The following VDR variants were observed in gnomAD, a reference collection of about 807,000 sequenced individuals.
VDR encodes the protein vitamin D receptor, also known as vitamin D3 receptor.
Under a neutral mutation model 39.7 loss-of-function variants are expected in VDR, and 19 were observed. The ratio of observed to expected loss-of-function variants is 0.48; its 90% CI spans 0.33 to 0.70. VDR has a LOEUF of 0.70. Ranked by LOEUF, VDR falls within the 30% of genes least tolerant of loss-of-function variation. VDR has a pLI of 0.02. For synonymous variants in VDR, 242 were observed against 215.8 expected (o/e 1.12, Z -1.07); for missense variants, 442 against 570.5 (o/e 0.77, Z 2.29).
rs886049432 is a variant in VDR at position 47,844,341 on chromosome 12, C to T, written c.*405G>A. 1 of 333,892 alleles carries T rather than the reference C, an allele frequency of 3.0e-6. No homozygotes were observed. Among genetic ancestry groups the T allele is most frequent in the African/African-American group, 2.1e-5 (1 of 47,448 alleles). 20.7% of individuals were successfully genotyped at this position (333,892 alleles called of 1,614,324 possible). On this transcript the variant is annotated 3_prime_UTR_variant, in exon 10 of 10. Transcript: ENST00000549336. ...GAGACCCCACTAGGCGCTGGACAAG[C>T]GGGGCCTGCAGTGGGGGGAGGTGCA...
In VDR at chr12:47,884,264, G is replaced by A. The variant is rs561666030; in HGVS notation, c.-83-1490C>T. ...CCTGGAACTTAAAAAAAATGTTTCC[G>A]GAGTATTTACTACATGCCAGGCCTG... is the stretch of plus-strand genomic sequence containing the variant. On this transcript the variant is annotated intron_variant, in intron 1 of 9. Coordinates refer to ENST00000549336, the MANE Select transcript of VDR (RefSeq NM_000376.3). 2.0e-3 allele frequency among the ~76,000 whole-genome samples: 309 copies of A among 152,274 alleles called. 1 individual carries two copies. Among genetic ancestry groups the A allele is most frequent in the Non-Finnish European group, 3.7e-3 (253 of 68,024 alleles).
intron 7 of VDR, among the ~76,000 whole-genome samples, chr12:47,847,129 G>A (rs1389514924): frequency 6.6e-6 from 1 of 152,110 alleles, no homozygotes; most frequent in Non-Finnish European, 1.5e-5. Flanking sequence ...CATGAATATG[G>A]TGGTCTGCAA....
chr12:47,898,259 T>C (rs891286379), intron 1 of VDR: 2 of 152,194 alleles, frequency 1.3e-5, no homozygotes, highest in African/African-American at 4.8e-5. Flanking sequence ...AGCCAGAAAT[T>C]GGGTCCCTAG....
chr12:47,902,509 G>A (rs889780677), intron 1 of VDR, among the ~76,000 whole-genome samples: 3 of 152,202 alleles, frequency 2.0e-5, no homozygotes, highest in African/African-American at 7.2e-5. Context: ...GAGTCATGCT[G>A]GGCACACAAG....
chr12:47,880,704 G>C (rs1331504499), intron 2 of VDR, among the ~76,000 whole-genome samples: 2 of 151,864 alleles, frequency 1.3e-5, no homozygotes, highest in East Asian at 3.9e-4. Flanking sequence ...AGTAATTGTG[G>C]TTTTGGCCAT....
intron 4 of VDR, among the ~76,000 whole-genome samples, chr12:47,859,136 C>CA (rs1209360510): frequency 2.0e-5 from 3 of 152,210 alleles, no homozygotes; most frequent in Non-Finnish European, 4.4e-5. Flanking sequence ...TGGGGGTAAG[C>CA]CCTCGCTTGG....
chr12:47,863,760 TG>T (rs1945671282), intron 4 of VDR, among the ~76,000 whole-genome samples: 1 of 152,150 alleles, frequency 6.6e-6, no homozygotes, highest in Admixed American at 6.5e-5. Context: ...CAGTGTTGGC[TG>T]GGGAGCCGTC....
At position 47,882,741 on chromosome 12, in the gene VDR, T is replaced by A; in HGVS notation, c.-50A>T. The A allele has an allele frequency of 6.5e-7, 1 of 1,533,680 alleles. No homozygotes were observed. Among genetic ancestry groups the A allele is most frequent in the Non-Finnish European group, 8.7e-7 (1 of 1,146,084 alleles). ...AGTGGAGCCCAGGGGTGCTCTTCTG[T>A]GAGGTCTCACAGACACTTCAGACCC... is the stretch of plus-strand genomic sequence containing the variant. On this transcript the variant is annotated 5_prime_UTR_variant, in exon 2 of 10. Coordinates refer to ENST00000549336, the MANE Select transcript of VDR (RefSeq NM_000376.3).
Position 47,844,735 on chromosome 12 carries a change from G to A in VDR, c.*11C>T, listed in dbSNP as rs773132644. The A allele has an allele frequency of 2.2e-4, 359 of 1,613,582 alleles. No homozygotes were observed. The highest frequency in any genetic ancestry group is 2.8e-4 in the Non-Finnish European group (335 of 1,179,804). On this transcript the variant is annotated 3_prime_UTR_variant, in exon 10 of 10. Coordinates refer to ENST00000549336, the MANE Select transcript of VDR (RefSeq NM_000376.3). ...GCAGCCCCACCCAGGCACCGCCACA[G>A]GCTGTCCTAGTCAGGAGATCTCATT...
chr12:47,855,511 T>C (rs772471713), intron 7 of VDR, 119 bp downstream of exon 7: 7 of 1,220,488 alleles, frequency 5.7e-6, no homozygotes, highest in Non-Finnish European at 8.1e-6. Context: ...CAGAGCAAGA[T>C]GCCGTTTAAA....
chr12:47,885,984 G>T (rs1487982859), intron 1 of VDR, among the ~76,000 whole-genome samples: 2 of 152,216 alleles, frequency 1.3e-5, no homozygotes, highest in Non-Finnish European at 1.5e-5. Context: ...GGGCACAAAA[G>T]ATGTGGCCCC....
At chr12:47,846,492 G>A (rs1381564813) in intron 8 of VDR, 41 bp from the exon 9 acceptor site, 1 of 1,554,740 alleles carries the variant, frequency 6.4e-7, no homozygotes, top group East Asian at 2.4e-5. Context: ...CAGAGCTGAG[G>A]AGCCGCCCAC....
intron 1 of VDR, 59 bp from the exon 2 acceptor site, chr12:47,882,833 C>G (rs1946183448): frequency 7.1e-7 from 1 of 1,407,402 alleles, no homozygotes; most frequent in Admixed American, 2.1e-5. Context: ...CCTCCCCAGT[C>G]TCTAAGGAAG....
At chr12:47,861,661 T>A (rs1336449422) in intron 4 of VDR, among the ~76,000 whole-genome samples, 1 of 152,042 alleles carries the variant, frequency 6.6e-6, no homozygotes, top group Non-Finnish European at 1.5e-5. Flanking sequence ...AGTGTTGGGC[T>A]GTCTGGTGAT....
intron 7 of VDR, among the ~76,000 whole-genome samples, chr12:47,854,560 G>T (rs1945446172): frequency 6.6e-6 from 1 of 152,206 alleles, no homozygotes. Context: ...ACTTCATTCT[G>T]CTCTCAGAGT....
At chr12:47,902,962 T>G (rs970978216) in intron 1 of VDR, among the ~76,000 whole-genome samples, 1 of 152,072 alleles carries the variant, frequency 6.6e-6, no homozygotes, top group African/African-American at 2.4e-5. Flanking sequence ...CCTCTGGGGC[T>G]TAGTTACAAA....
chr12:47,885,314 G>T (rs972888645), intron 1 of VDR, among the ~76,000 whole-genome samples: 1 of 152,192 alleles, frequency 6.6e-6, no homozygotes, highest in Non-Finnish European at 1.5e-5. Context: ...CCTTGCCTTA[G>T]CAAGAAATGA....
intron 4 of VDR, 114 bp downstream of exon 4, chr12:47,864,933 G>A (rs534684953): frequency 2.2e-4 from 344 of 1,561,618 alleles, no homozygotes; most frequent in Middle Eastern, 1.3e-3. Flanking sequence ...CCAGATGCTG[G>A]CAGCTACAGA....
intron 4 of VDR, among the ~76,000 whole-genome samples, chr12:47,858,634 C>A (rs1378784378): frequency 6.6e-6 from 1 of 152,246 alleles, no homozygotes; most frequent in Admixed American, 6.5e-5. Flanking sequence ...CCTGGCACGG[C>A]GGCTGGGCAA....
Sources: allele counts gnomAD v4.1 joint callset (sites outside exome capture counted in the v4.1 genomes callset), GRCh38; gene constraint gnomAD v4.1.1; transcripts MANE v1.5; gene names NCBI Gene and HGNC (gene_info 2026-07-23, HGNC 2026-07-21).